EARS2: variants seen among roughly 807,000 people sequenced by gnomAD.
The protein encoded by EARS2 is glutamyl-tRNA synthetase 2, mitochondrial, also known as nondiscriminating glutamyl-tRNA synthetase EARS2, mitochondrial.
A neutral mutation model predicts 54.1 loss-of-function variants in EARS2; 50 were observed. That is an observed-to-expected ratio of 0.92 (90% CI 0.74 to 1.17). The LOEUF is 1.17. EARS2 is among the 50% of genes most tolerant of loss of function. The pLI is 0.00. For missense variants in EARS2, 673 were observed against 675.0 expected (o/e 1.00, Z 0.03); for synonymous variants, 298 against 281.0 (o/e 1.06, Z -0.61).
intron 3 of EARS2, among the ~76,000 whole-genome samples, chr16:23,537,795 T>C (rs1329786093): frequency 1.7e-5 from 2 of 115,780 alleles, no homozygotes; most frequent in Admixed American, 8.9e-5. Flanking sequence ...TTTTTCTTTC[T>C]TTTTTTTTTT....
intron 2 of EARS2, among the ~76,000 whole-genome samples, chr16:23,548,628 G>A (rs559850682): frequency 6.6e-6 from 1 of 152,162 alleles, no homozygotes; most frequent in Non-Finnish European, 1.5e-5. Flanking sequence ...TGTCGCTCCA[G>A]GCTGGAGTGT....
In EARS2 at chr16:23,552,145, T is replaced by G. The variant is rs1567391081; in HGVS notation, c.295+4A>C. The G allele has an allele frequency of 6.2e-7, 1 of 1,612,220 alleles. No homozygotes were observed. Among genetic ancestry groups the G allele is most frequent in the Non-Finnish European group, 8.5e-7 (1 of 1,178,522 alleles). Reference sequence around the variant, plus strand: ...CAGAAAGATCCTTTCTCTGCCAGGCTTACCTGCCCACTCCAGCATGTCCTC... The same window carrying G: ...CAGAAAGATCCTTTCTCTGCCAGGCGTACCTGCCCACTCCAGCATGTCCTC... On this transcript the variant is annotated splice_donor_region_variant and intron_variant, in intron 2 of 8. Coordinates refer to ENST00000449606, the MANE Select transcript of EARS2 (RefSeq NM_001083614.2).
intron 3 of EARS2, among the ~76,000 whole-genome samples, chr16:23,535,666 A>G (rs1965406136): frequency 6.6e-6 from 1 of 152,206 alleles, no homozygotes; most frequent in Non-Finnish European, 1.5e-5. Context: ...CTATTGCTCC[A>G]TGCCAGTGAC....
intron 7 of EARS2, among the ~76,000 whole-genome samples, chr16:23,528,104 G>A (rs1965261410): frequency 6.6e-6 from 1 of 152,160 alleles, no homozygotes; most frequent in South Asian, 2.1e-4. Context: ...CCAGGAACAA[G>A]GCTCTCACCA....
intron 3 of EARS2, among the ~76,000 whole-genome samples, chr16:23,540,761 T>C (rs1228226292): frequency 1.3e-5 from 2 of 151,700 alleles, no homozygotes; most frequent in Admixed American, 6.6e-5. Flanking sequence ...GGCAGGTGGA[T>C]TGCCTGAGCT....
chr16:23,533,317 T>A (rs1965357531), intron 4 of EARS2, among the ~76,000 whole-genome samples: 2 of 151,872 alleles, frequency 1.3e-5, no homozygotes, highest in Non-Finnish European at 2.9e-5. Flanking sequence ...ATACATACAT[T>A]TTTCTGTAGA....
Position 23,547,696 on chromosome 16 carries a change from G to C in EARS2, c.296-2993C>G, listed in dbSNP as rs188414917. Among the ~76,000 whole-genome samples, 8 of 152,018 alleles carry C rather than the reference G, an allele frequency of 5.3e-5. No individual in the cohort carries two copies. In the East Asian group the frequency reaches 1.4e-3, roughly 26 times the overall value. ...ATTTTTGTATTTTTATTAGAGACAG[G>C]GTTTCAACATGTTGGCCAGGCTGGT... On this transcript the variant is annotated intron_variant, in intron 2 of 8. Transcript: ENST00000449606.
intron 3 of EARS2, among the ~76,000 whole-genome samples, chr16:23,535,841 A>G (rs919824879): frequency 6.6e-6 from 1 of 152,186 alleles, no homozygotes; most frequent in Non-Finnish European, 1.5e-5. Context: ...CCACTGCCCC[A>G]CTTCTGTCCT....
chr16:23,540,996 A>C (rs1330301967), intron 3 of EARS2, among the ~76,000 whole-genome samples: 1 of 145,196 alleles, frequency 6.9e-6, no homozygotes, highest in African/African-American at 2.6e-5. Context: ...GTCTCCAAAA[A>C]ATAAATAAAT....
intron 6 of EARS2, 30 bp downstream of exon 6, chr16:23,529,714 C>T: frequency 6.2e-7 from 1 of 1,613,454 alleles, no homozygotes; most frequent in Non-Finnish European, 8.5e-7. Context: ...GTAACCCCTC[C>T]CTCAGCTTCC....
Position 23,524,343 on chromosome 16 carries a change from G to T in EARS2, c.*28C>A. 1 of 1,591,466 alleles carries T rather than the reference G, an allele frequency of 6.3e-7. No individual in the cohort carries two copies. Among genetic ancestry groups the T allele is most frequent in the Non-Finnish European group, 8.6e-7 (1 of 1,159,368 alleles). On this transcript the variant is annotated 3_prime_UTR_variant, in exon 9 of 9. Coordinates refer to ENST00000449606, the MANE Select transcript of EARS2 (RefSeq NM_001083614.2). ...TTCTAAGCTCACAGGTTCTTAGGGC[G>T]ATCTCCACTGCCCGAAACATCCTCT...
Position 23,524,016 on chromosome 16 carries a change from C to A in EARS2, c.*355G>T. 1 of 213,438 alleles carries A rather than the reference C, an allele frequency of 4.7e-6. No homozygotes were observed. The highest frequency in any genetic ancestry group is 2.3e-5 in the African/African-American group (1 of 43,588). 13.2% of individuals were successfully genotyped at this position (213,438 alleles called of 1,614,324 possible). A position where few individuals can be genotyped will look rare whatever the true frequency, so the allele number is the denominator to read the frequency against. ...TTGTTTAAACCACCTGGTTCTGTGG[C>A]ATTTTGTTATGGGGGCCCTAGCAAA... is the stretch of plus-strand genomic sequence containing the variant. On this transcript the variant is annotated 3_prime_UTR_variant, in exon 9 of 9. Coordinates refer to ENST00000449606, the MANE Select transcript of EARS2 (RefSeq NM_001083614.2).
In EARS2 at chr16:23,525,309, C is replaced by T. The variant is rs1344483349; in HGVS notation, c.1423G>A (p.Gly475Ser). The T allele has an allele frequency of 6.2e-7, 1 of 1,614,080 alleles. No homozygotes were observed. The highest frequency in any genetic ancestry group is 8.5e-7 in the Non-Finnish European group (1 of 1,180,028). The change falls in exon 8 of 9, where the codon GGT (glycine) becomes AGT (serine). Residue 475 changes from glycine (G) to serine (S), a missense_variant. Physicochemically the swap from Gly to Ser is moderately conservative, Grantham distance 56. This residue lies in a region of EARS2 where 338 missense variants were observed against 361.2 expected (regional missense o/e 0.94). Transcript: ENST00000449606. ...TTACTGTACTTGGTGCCTTCCAGAC[C>T]TTCTGATAGCTTCTTCAGTTCTCCA... ...LNGELKKLSE[G>S]LEGTKYSNVM... is the part of the protein sequence containing the mutation.
intron 1 of EARS2, among the ~76,000 whole-genome samples, chr16:23,553,399 A>G (rs552702135): frequency 1.3e-5 from 2 of 152,324 alleles, no homozygotes; most frequent in African/African-American, 4.8e-5. Flanking sequence ...ACTTACAGAA[A>G]TTCAATGATG....
At chr16:23,543,373 T>C (rs1965547405) in intron 3 of EARS2, among the ~76,000 whole-genome samples, 1 of 150,802 alleles carries the variant, frequency 6.6e-6, no homozygotes, top group Non-Finnish European at 1.5e-5. Flanking sequence ...CATCACACCA[T>C]TGCACTCCAG....
rs1965812317 is a variant in EARS2 at position 23,557,226 on chromosome 16, G to A, written c.118C>T (p.Arg40Trp). The change falls in exon 1 of 9, where the codon CGG (arginine) becomes TGG (tryptophan). Residue 40 changes from arginine to tryptophan, a missense_variant. Physicochemically the swap from Arg to Trp is moderately radical, Grantham distance 101 (BLOSUM62 -3). Coordinates refer to ENST00000449606, the MANE Select transcript of EARS2 (RefSeq NM_001083614.2). Reference sequence around the variant, plus strand: ...TTACCTGTGGGGCTGGGAGCGAACCGCACTCGCACCGCAACCCCGGCATCA... The same window carrying A: ...TTACCTGTGGGGCTGGGAGCGAACCACACTCGCACCGCAACCCCGGCATCA... ...GTDAGVAVRV[R>W]FAPSPTGFLH... 2.0e-6 allele frequency: 3 copies of A among 1,517,516 alleles called. No individual in the cohort carries two copies. The highest frequency in any genetic ancestry group is 2.6e-6 in the Non-Finnish European group (3 of 1,141,202). 94.0% of individuals were successfully genotyped at this position (1,517,516 alleles called of 1,614,324 possible).
chr16:23,529,574 C>CGAG lies in EARS2; in HGVS notation c.1277_1279dup (p.Thr426_Arg427insPro), dbSNP rs753414156. 4.6e-5 allele frequency: 75 copies of CGAG among 1,614,134 alleles called. No individual in the cohort carries two copies. The highest frequency in any genetic ancestry group is 5.8e-5 in the Non-Finnish European group (69 of 1,180,002). ...CAGCTGTGCTCGACCTACTGCAGGG[C>CGAG]GAGTCCACAGGTAAGAGTATACTGG... On this transcript the variant is annotated inframe_insertion, in exon 7 of 9. Transcript: ENST00000449606.
rs1317646018 is a variant in EARS2 at position 23,552,021 on chromosome 16, G to A, written c.295+128C>T. On this transcript the variant is annotated intron_variant, in intron 2 of 8. Transcript: ENST00000449606. ...GTCATCTGCCACCCCGGGCAGGGCA[G>A]TACAAATGTAGCCACTTCTCCAGGA... 5.8e-6 allele frequency: 7 copies of A among 1,211,192 alleles called. No individual in the cohort carries two copies. The South Asian group carries it at 7.2e-5, about 12-fold the overall frequency. The allele number at this position is 1,211,192 out of a possible 1,614,324, so 75.0% of individuals were successfully genotyped here. A position where few individuals can be genotyped will look rare whatever the true frequency, so the allele number is the denominator to read the frequency against.
Position 23,522,050 on chromosome 16 carries a change from C to T in EARS2, c.*2321G>A. ...AAAAAAAATTTACTGAGATGATGGA[C>T]TAAGGCATTTACGAGCATTATCTGA... On this transcript the variant is annotated 3_prime_UTR_variant, in exon 9 of 9. Coordinates refer to ENST00000449606, the MANE Select transcript of EARS2 (RefSeq NM_001083614.2). 6.1e-6 allele frequency: 2 copies of T among 325,884 alleles called. No individual in the cohort carries two copies. Among genetic ancestry groups the T allele is most frequent in the Non-Finnish European group, 1.2e-5 (2 of 163,572 alleles). 20.2% of individuals were successfully genotyped at this position (325,884 alleles called of 1,614,324 possible). A position where few individuals can be genotyped will look rare whatever the true frequency, so the allele number is the denominator to read the frequency against.
Sources: allele counts gnomAD v4.1 joint callset (sites outside exome capture counted in the v4.1 genomes callset), GRCh38; gene constraint gnomAD v4.1.1; regional missense constraint gnomAD v4.1.1; transcripts MANE v1.5; gene names NCBI Gene and HGNC (gene_info 2026-07-23, HGNC 2026-07-21).